SCTR: variants seen among roughly 807,000 people sequenced by gnomAD.
SCTR encodes secretin receptor.
In SCTR, 56 loss-of-function variants were observed where a neutral mutation model predicts 60.8. The observed-to-expected ratio is 0.92, with a 90% CI of 0.74 to 1.15. The LOEUF is 1.15. SCTR is among the 50% of genes most tolerant of loss of function. The pLI, the probability that SCTR is intolerant of heterozygous loss-of-function variation, is 0.00. For synonymous variants in SCTR, 202 were observed against 217.0 expected (o/e 0.93, Z 0.61); for missense variants, 562 against 550.4 (o/e 1.02, Z -0.21).
At position 119,444,924 on chromosome 2, in the gene SCTR, T is replaced by TAC. The variant is rs527486532; in HGVS notation, c.1140+1833_1140+1834dup. Among the ~76,000 whole-genome samples, 14 of 71,306 alleles carry TAC rather than the reference T, an allele frequency of 2.0e-4. 7 individuals are homozygous for TAC. Among genetic ancestry groups the TAC allele is most frequent in the Non-Finnish European group, 3.4e-4 (12 of 35,516 alleles). The allele number at this position is 71,306 out of a possible 152,430, so 46.8% of individuals were successfully genotyped here. ...ATATATACATATATTCGTACGAATATACACATATATTCGTACGAATATATA... is the reference window on the plus strand; with the variant it reads ...ATATATACATATATTCGTACGAATATACACACATATATTCGTACGAATATATA... On this transcript the variant is annotated intron_variant, in intron 11 of 12. Transcript: ENST00000019103.
intron 2 of SCTR, among the ~76,000 whole-genome samples, chr2:119,488,594 T>G (rs1334089965): frequency 6.6e-6 from 1 of 151,996 alleles, no homozygotes; most frequent in East Asian, 1.9e-4. Context: ...CTTCCCGGAG[T>G]AATGTGAATG....
chr2:119,462,126 G>A, intron 6 of SCTR, 126 bp from the exon 7 acceptor site: 1 of 817,640 alleles, frequency 1.2e-6, no homozygotes, highest in Admixed American at 3.2e-5. Context: ...GGCCTCTGGG[G>A]TTCAAGGCCA....
intron 4 of SCTR, among the ~76,000 whole-genome samples, chr2:119,470,950 C>T (rs1327175157): frequency 1.3e-5 from 2 of 152,238 alleles, no homozygotes; most frequent in Admixed American, 1.3e-4. Context: ...ATCCACCCGT[C>T]TCGACCTCCC....
intron 2 of SCTR, among the ~76,000 whole-genome samples, chr2:119,489,426 CT>C (rs1461806147): frequency 2.0e-5 from 3 of 152,156 alleles, no homozygotes; most frequent in Non-Finnish European, 4.4e-5. Flanking sequence ...CAAACACACA[CT>C]GAATACTCGG....
chr2:119,439,909 A>C lies in SCTR; in HGVS notation c.*208T>G. On this transcript the variant is annotated 3_prime_UTR_variant, in exon 13 of 13. Coordinates refer to ENST00000019103, the MANE Select transcript of SCTR (RefSeq NM_002980.3). ...CTGGGACCCCTGAACTTCTCTTCCCAGAAGAGCAAACGAACCAAATCCCAG... is the reference window on the plus strand; with the variant it reads ...CTGGGACCCCTGAACTTCTCTTCCCCGAAGAGCAAACGAACCAAATCCCAG... 1 of 549,208 alleles carries C rather than the reference A, an allele frequency of 1.8e-6. No homozygotes were observed. Among genetic ancestry groups the C allele is most frequent in the Non-Finnish European group, 3.2e-6 (1 of 312,350 alleles). The allele number at this position is 549,208 out of a possible 1,614,324, so 34.0% of individuals were successfully genotyped here.
At chr2:119,523,406 ATTATTATTATT>A (rs1301914058) in intron 1 of SCTR, among the ~76,000 whole-genome samples, 13 of 145,254 alleles carry the variant, frequency 8.9e-5, no homozygotes, top group African/African-American at 3.3e-4. Flanking sequence ...TATTATTATT[ATTATTATTATT>A]ATTATTATTA....
chr2:119,520,719 G>A, intron 1 of SCTR, among the ~76,000 whole-genome samples: 1 of 152,210 alleles, frequency 6.6e-6, no homozygotes, highest in African/African-American at 2.4e-5. Context: ...GGGTGGAATA[G>A]ATCAAGGAAA....
chr2:119,496,334 C>T (rs1422055982), intron 1 of SCTR, among the ~76,000 whole-genome samples: 1 of 152,170 alleles, frequency 6.6e-6, no homozygotes, highest in Non-Finnish European at 1.5e-5. Flanking sequence ...TGGTAAGTGT[C>T]ACAGAAATGT....
chr2:119,487,302 A>G (rs1422268638), intron 2 of SCTR: 2 of 152,230 alleles, frequency 1.3e-5, no homozygotes, highest in African/African-American at 2.4e-5. Flanking sequence ...AGTTAATTTA[A>G]CGCTATGTGA....
At chr2:119,465,623 T>A (rs150243967) in intron 5 of SCTR, among the ~76,000 whole-genome samples, 166 bp downstream of exon 5, 1 of 152,302 alleles carries the variant, frequency 6.6e-6, no homozygotes, top group East Asian at 1.9e-4. Flanking sequence ...AAGGGATGAA[T>A]GAGGTCACAG....
chr2:119,441,430 C>G, intron 12 of SCTR, 128 bp downstream of exon 12: 2 of 726,252 alleles, frequency 2.8e-6, no homozygotes, highest in Non-Finnish European at 4.8e-6. Context: ...CCACCTGCCA[C>G]CAGACCCAGG....
At chr2:119,498,006 G>A (rs62158529) in intron 1 of SCTR, among the ~76,000 whole-genome samples, 1,721 of 152,146 alleles carry the variant, frequency 0.011, 16 homozygotes, top group Non-Finnish European at 0.018. Context: ...AATTTGGCAA[G>A]AGACATACAC....
rs763061793 is a variant in SCTR at position 119,473,565 on chromosome 2, G to A, written c.302-9C>T. 3 of 1,593,196 alleles carry A rather than the reference G, an allele frequency of 1.9e-6. No individual in the cohort carries two copies. The highest frequency in any genetic ancestry group is 3.3e-5 in the Admixed American group (2 of 59,992). On this transcript the variant is annotated splice_polypyrimidine_tract_variant and intron_variant, in intron 3 of 12. Transcript: ENST00000019103. ...GTTTCGGAACAAGGAACCTGTGGGT[G>A]CCAAGAGTCCTGTAGGTGAGCCATG...
intron 3 of SCTR, among the ~76,000 whole-genome samples, chr2:119,474,002 ACCAGAGTG>A (rs1385951968): frequency 6.6e-6 from 1 of 152,180 alleles, no homozygotes; most frequent in African/African-American, 2.4e-5. Context: ...TTTGAAAACC[ACCAGAGTG>A]CCATTGAGAT....
At chr2:119,474,892 C>T (rs1422467507) in intron 3 of SCTR, among the ~76,000 whole-genome samples, 1 of 152,236 alleles carries the variant, frequency 6.6e-6, no homozygotes, top group African/African-American at 2.4e-5. Context: ...CCTGTGGAGG[C>T]TCAGGAGGCC....
At chr2:119,464,034 G>T in intron 6 of SCTR, 89 bp downstream of exon 6, 4 of 1,397,092 alleles carry the variant, frequency 2.9e-6, no homozygotes, top group Non-Finnish European at 4.0e-6. Context: ...GGGCTTGGGG[G>T]AAGGACAACT....
intron 9 of SCTR, 106 bp downstream of exon 9, chr2:119,451,904 C>T (rs1173663915): frequency 2.8e-6 from 2 of 720,866 alleles, no homozygotes; most frequent in African/African-American, 1.7e-5. Flanking sequence ...TTTATCCCTC[C>T]TGGCACCTGC....
At chr2:119,482,986 C>T (rs1677699858) in intron 2 of SCTR, among the ~76,000 whole-genome samples, 1 of 152,246 alleles carries the variant, frequency 6.6e-6, no homozygotes, top group Non-Finnish European at 1.5e-5. Flanking sequence ...ATTTCCAGAG[C>T]ATGGAAAAAG....
At chr2:119,491,432 C>A (rs1213623666) in intron 2 of SCTR, among the ~76,000 whole-genome samples, 2 of 152,214 alleles carry the variant, frequency 1.3e-5, no homozygotes, top group African/African-American at 2.4e-5. Flanking sequence ...CCAGGTGAAG[C>A]CTCCTGATTA....
Sources: gnomAD v4.1 joint callset for allele counts (sites outside exome capture counted in the v4.1 genomes callset) on GRCh38, gnomAD v4.1.1 for gene constraint, MANE v1.5 for transcripts, NCBI Gene and HGNC (gene_info 2026-07-23, HGNC 2026-07-21) for gene names.